LANCL3: variants seen among roughly 807,000 people sequenced by gnomAD.
LANCL3 encodes lanC-like protein 3.
In LANCL3, 19 loss-of-function variants were observed where a neutral mutation model predicts 26.5. That is an observed-to-expected ratio of 0.72 (90% CI 0.50 to 1.05). The LOEUF is 1.05. Ranked by LOEUF, LANCL3 falls within the 50% of genes least tolerant of loss-of-function variation. The pLI, the probability that LANCL3 is intolerant of heterozygous loss-of-function variation, is 0.00. For synonymous variants in LANCL3, 160 were observed against 166.6 expected, an observed-to-expected ratio of 0.96 and a Z score of 0.30; for missense variants, 318 against 362.7, an observed-to-expected ratio of 0.88 and a Z score of 1.00.
intron 1 of LANCL3, among the ~76,000 whole-genome samples, chrX:37,648,508 CT>C (rs1259431541): frequency 8.9e-6 from 1 of 112,018 alleles, no homozygotes; most frequent in African/African-American, 3.2e-5. Context: ...CATAAAAACC[CT>C]AGAAGAAAAC....
intron 1 of LANCL3, among the ~76,000 whole-genome samples, chrX:37,631,789 C>T (rs555043436): frequency 3.4e-4 from 38 of 110,938 alleles, no homozygotes; most frequent in African/African-American, 1.0e-3. Flanking sequence ...TCCTGAGTTC[C>T]AGTTTGATTG....
intron 1 of LANCL3, among the ~76,000 whole-genome samples, chrX:37,607,553 A>T: frequency 8.9e-6 from 1 of 112,856 alleles, no homozygotes. Flanking sequence ...TCAGCAGATA[A>T]AAAGAAATAT....
intron 1 of LANCL3, among the ~76,000 whole-genome samples, chrX:37,574,076 C>CCCA (rs1183927485): frequency 2.4e-5 from 2 of 84,454 alleles, no homozygotes; most frequent in African/African-American, 5.1e-5. Flanking sequence ...AAAAAAAAAA[C>CCCA]CCACCACCAC....
rs1926959831 is a variant in LANCL3 at position 37,682,280 on chromosome X, T to G, written c.*6467T>G. 1 of 108,600 alleles carries G rather than the reference T, an allele frequency of 9.2e-6. No individual in the cohort carries two copies. Among genetic ancestry groups the G allele is most frequent in the Non-Finnish European group, 1.9e-5 (1 of 52,168 alleles). 8.9% of individuals were successfully genotyped at this position (108,600 alleles called of 1,213,427 possible). ...ACTACGCCCGGCTAATTTTTTGTAT[T>G]TTTAGTAGAGACGGGGTTTCACCGT... On this transcript the variant is annotated 3_prime_UTR_variant, in exon 5 of 5. Coordinates refer to ENST00000378619, the MANE Select transcript of LANCL3 (RefSeq NM_001170331.2).
intron 3 of LANCL3, among the ~76,000 whole-genome samples, chrX:37,667,068 A>C (rs1228657685): frequency 8.9e-6 from 1 of 112,207 alleles, no homozygotes; most frequent in Non-Finnish European, 1.9e-5. Flanking sequence ...AGATTCTCTT[A>C]TAGAACATTC....
chrX:37,604,276 A>G (rs1924647630), intron 1 of LANCL3, among the ~76,000 whole-genome samples: 1 of 112,338 alleles, frequency 8.9e-6, no homozygotes, highest in African/African-American at 3.2e-5. Context: ...CCTCCCTCCA[A>G]GTCTTTCTGG....
At chrX:37,668,580 C>T in intron 4 of LANCL3, 1 of 199,919 alleles carries the variant, frequency 5.0e-6, no homozygotes, top group Non-Finnish European at 1.0e-5. Context: ...GACTTAGAAG[C>T]TGTCCATAAC....
intron 1 of LANCL3, among the ~76,000 whole-genome samples, chrX:37,637,429 A>G (rs191203713): frequency 2.7e-5 from 3 of 111,850 alleles, no homozygotes; most frequent in Non-Finnish European, 5.6e-5. Context: ...AGCTAATGAC[A>G]TGTCAGTGTA....
rs1923938008 is a variant in LANCL3, at chrX:37,582,794, T to C, written c.573+10351T>C. ...CTGTTCACTCTGATGGTAGTTTCTT[T>C]TGCTGTGCAGAAGCTCTTCAGTTTA... On this transcript the variant is annotated intron_variant, in intron 1 of 4. Coordinates refer to ENST00000378619, the MANE Select transcript of LANCL3 (RefSeq NM_001170331.2). 5.4e-5 allele frequency among the ~76,000 whole-genome samples: 6 copies of C among 112,138 alleles called. No individual in the cohort carries two copies. The Admixed American group carries it at 5.6e-4, about 11-fold the overall frequency.
chrX:37,634,518 C>T (rs1925648235), intron 1 of LANCL3, among the ~76,000 whole-genome samples: 1 of 112,817 alleles, frequency 8.9e-6, no homozygotes, highest in Admixed American at 9.3e-5. Flanking sequence ...ATGCAGAAAT[C>T]ACCCATCTTC....
chrX:37,595,168 C>G (rs782412592), intron 1 of LANCL3, among the ~76,000 whole-genome samples: 5 of 111,785 alleles, frequency 4.5e-5, no homozygotes, highest in Non-Finnish European at 7.5e-5. Context: ...CAACTCCAAG[C>G]TCTTAATTGC....
At chrX:37,634,006 T>G (rs1556425034) in intron 1 of LANCL3, among the ~76,000 whole-genome samples, 1 of 112,575 alleles carries the variant, frequency 8.9e-6, no homozygotes, top group African/African-American at 3.2e-5. Flanking sequence ...TACTGCTGTC[T>G]TTTTGTTTGT....
At chrX:37,591,519 A>T (rs73470147) in intron 1 of LANCL3, among the ~76,000 whole-genome samples, 2,055 of 111,484 alleles carry the variant, frequency 0.018, 67 homozygotes, top group African/African-American at 0.064. Context: ...ATGTGGATTA[A>T]TATGGAATTG....
intron 1 of LANCL3, among the ~76,000 whole-genome samples, chrX:37,576,063 A>G (rs1455344270): frequency 1.1e-4 from 12 of 112,105 alleles, no homozygotes; most frequent in African/African-American, 3.9e-4. Context: ...TGTGGTCCAT[A>G]TAAGCTAGCG....
chrX:37,582,192 T>G (rs1279625705), intron 1 of LANCL3, among the ~76,000 whole-genome samples: 1 of 112,169 alleles, frequency 8.9e-6, no homozygotes, highest in Non-Finnish European at 1.9e-5. Flanking sequence ...TTGATGGACA[T>G]TTGGGTTGGT....
chrX:37,638,179 C>G (rs782634807), intron 1 of LANCL3, among the ~76,000 whole-genome samples: 11 of 111,668 alleles, frequency 9.9e-5, no homozygotes, highest in Admixed American at 4.7e-4. Context: ...AGAGAGAGAA[C>G]ACTGGCTACA....
chrX:37,635,165 C>A (rs1473773114), intron 1 of LANCL3, among the ~76,000 whole-genome samples: 1 of 111,461 alleles, frequency 9.0e-6, no homozygotes, highest in Non-Finnish European at 1.9e-5. Context: ...AACTTTAGAG[C>A]AAGAAAAGAC....
At chrX:37,591,792 T>C (rs1473539999) in intron 1 of LANCL3, among the ~76,000 whole-genome samples, 1 of 87,883 alleles carries the variant, frequency 1.1e-5, no homozygotes, top group Non-Finnish European at 1.9e-5. Context: ...GAAGTTGTAC[T>C]TGTAGCCCAA....
At chrX:37,592,528 CAGAG>C (rs782338113) in intron 1 of LANCL3, among the ~76,000 whole-genome samples, 26 of 111,487 alleles carry the variant, frequency 2.3e-4, no homozygotes, top group African/African-American at 8.2e-4. Context: ...TTAATATTGT[CAGAG>C]AAGAAAGTAA....
Sources: gnomAD v4.1 joint callset for allele counts (sites outside exome capture counted in the v4.1 genomes callset) on GRCh38, gnomAD v4.1.1 for gene constraint, MANE v1.5 for transcripts, NCBI Gene and HGNC (gene_info 2026-07-23, HGNC 2026-07-21) for gene names.